DNM3: variants seen among roughly 807,000 people sequenced by gnomAD.
DNM3 encodes the protein dynamin 3, also known as dynamin-3.
A neutral mutation model predicts 101.6 loss-of-function variants in DNM3; 47 were observed. That is an observed-to-expected ratio of 0.46 (90% CI 0.37 to 0.59). The LOEUF (loss-of-function observed/expected upper bound fraction) is 0.59. DNM3 is among the 20% of genes least tolerant of loss of function. The pLI, the probability that DNM3 is intolerant of heterozygous loss-of-function variation, is 0.00. For synonymous variants in DNM3, 385 were observed against 387.9 expected, an observed-to-expected ratio of 0.99 and a Z score of 0.09; for missense variants, 849 against 1,085.7, an observed-to-expected ratio of 0.78 and a Z score of 3.06.
intron 2 of DNM3, among the ~76,000 whole-genome samples, chr1:171,924,435 GT>G (rs1202204326): frequency 6.6e-6 from 1 of 152,168 alleles, no homozygotes; most frequent in Admixed American, 6.5e-5. Context: ...AAAGAAAGAG[GT>G]TTCATTGACT....
intron 16 of DNM3, among the ~76,000 whole-genome samples, chr1:172,316,041 C>T (rs1413581826): frequency 7.9e-5 from 12 of 152,102 alleles, no homozygotes; most frequent in African/African-American, 2.4e-5. Context: ...GCGGATCTCT[C>T]GGCAGAAACT....
intron 1 of DNM3, among the ~76,000 whole-genome samples, chr1:171,875,093 A>C (rs2125100993): frequency 6.6e-6 from 1 of 152,092 alleles, no homozygotes; most frequent in East Asian, 1.9e-4. Context: ...GGTTGATTCC[A>C]TGTCTTTGTT....
chr1:172,004,957 A>T (rs1255489457), intron 4 of DNM3, among the ~76,000 whole-genome samples: 3 of 152,116 alleles, frequency 2.0e-5, no homozygotes, highest in African/African-American at 7.2e-5. Context: ...GTTCTGCTAA[A>T]GTAACAGAGA....
chr1:172,082,325 GTT>G (rs57661109), intron 12 of DNM3, among the ~76,000 whole-genome samples: 13 of 136,866 alleles, frequency 9.5e-5, no homozygotes, highest in Admixed American at 2.2e-4. Context: ...CTAGAGGCCT[GTT>G]TTTTTTTTTT....
At position 172,351,018 on chromosome 1, in the gene DNM3, A is replaced by G. The variant is rs79517397; in HGVS notation, c.1893+27678A>G. ...CTTTAAATTATTACCCTCCTGGGAA[A>G]GTCTGCAACCCTTGTAGAACACTTA... On this transcript the variant is annotated intron_variant, in intron 17 of 20. Transcript: ENST00000627582. Among the ~76,000 whole-genome samples the G allele has an allele frequency of 8.1e-3, 1,233 of 152,296 alleles. 12 individuals carry two copies. Among genetic ancestry groups the G allele is most frequent in the Non-Finnish European group, 0.013 (885 of 68,020 alleles).
chr1:172,186,281 C>G (rs1401650311), intron 14 of DNM3, among the ~76,000 whole-genome samples: 3 of 151,844 alleles, frequency 2.0e-5, no homozygotes, highest in African/African-American at 7.3e-5. Context: ...GTTACAAATT[C>G]CAAGAAATGT....
At chr1:172,355,043 C>T (rs1006394601) in intron 17 of DNM3, among the ~76,000 whole-genome samples, 11 of 152,268 alleles carry the variant, frequency 7.2e-5, no homozygotes, top group African/African-American at 2.6e-4. Flanking sequence ...ATAGGTTCCT[C>T]ATTCTGTAAT....
intron 17 of DNM3, chr1:172,366,415 G>A (rs57229699): frequency 1.3e-5 from 2 of 151,924 alleles, no homozygotes; most frequent in East Asian, 3.9e-4. Context: ...AAATTTATCT[G>A]ATTTCAGGAA....
chr1:172,131,469 G>T (rs116361562), intron 14 of DNM3, among the ~76,000 whole-genome samples, 181 bp downstream of exon 14: 1 of 152,002 alleles, frequency 6.6e-6, no homozygotes, highest in African/African-American at 2.4e-5. Context: ...TACAATATTC[G>T]CCCAAATTTC....
At chr1:171,875,289 G>A (rs534463007) in intron 1 of DNM3, among the ~76,000 whole-genome samples, 6 of 152,314 alleles carry the variant, frequency 3.9e-5, no homozygotes, top group Admixed American at 3.3e-4. Flanking sequence ...CCCACCAACA[G>A]TGTATAAGCC....
intron 2 of DNM3, among the ~76,000 whole-genome samples, chr1:171,959,932 G>A (rs1404350639): frequency 6.6e-6 from 1 of 152,050 alleles, no homozygotes; most frequent in Non-Finnish European, 1.5e-5. Flanking sequence ...CTGTGGAGGG[G>A]GTAGAGGAAT....
intron 15 of DNM3, among the ~76,000 whole-genome samples, chr1:172,287,435 C>T (rs1175114962): frequency 6.6e-6 from 1 of 152,202 alleles, no homozygotes; most frequent in African/African-American, 2.4e-5. Flanking sequence ...TGGCCATTGG[C>T]AGCCAGAGAA....
chr1:172,133,349 G>T, intron 14 of DNM3: 1 of 997,600 alleles, frequency 1.0e-6, no homozygotes, highest in Non-Finnish European at 1.2e-6. Context: ...ATGAGTACTT[G>T]ATTACAACAA....
At chr1:172,247,894 A>G (rs894775708) in intron 14 of DNM3, among the ~76,000 whole-genome samples, 4 of 152,048 alleles carry the variant, frequency 2.6e-5, no homozygotes, top group Non-Finnish European at 4.4e-5. Context: ...CATGTTGGCC[A>G]GGTGGTCTCA....
At chr1:172,345,149 G>A (rs554462308) in intron 17 of DNM3, among the ~76,000 whole-genome samples, 2 of 152,300 alleles carry the variant, frequency 1.3e-5, no homozygotes, top group African/African-American at 4.8e-5. Flanking sequence ...GAGGGAATAA[G>A]AATTGTCTTT....
At chr1:172,042,379 G>A (rs2049449725) in intron 8 of DNM3, among the ~76,000 whole-genome samples, 1 of 152,120 alleles carries the variant, frequency 6.6e-6, no homozygotes, top group South Asian at 2.1e-4. Context: ...TTCCTAGTTT[G>A]TTGTCTAATT....
intron 15 of DNM3, among the ~76,000 whole-genome samples, chr1:172,261,339 GACT>G (rs1334793480): frequency 6.6e-6 from 1 of 152,208 alleles, no homozygotes; most frequent in Non-Finnish European, 1.5e-5. Context: ...TTTTGAATCT[GACT>G]ATGCGTAGTG....
chr1:172,292,250 A>G (rs2063951000), intron 15 of DNM3, among the ~76,000 whole-genome samples: 1 of 152,164 alleles, frequency 6.6e-6, no homozygotes, highest in Non-Finnish European at 1.5e-5. Flanking sequence ...TCCCCATTTT[A>G]TAGGTAGGTT....
At chr1:171,869,762 C>T (rs1042755220) in intron 1 of DNM3, among the ~76,000 whole-genome samples, 19 of 152,202 alleles carry the variant, frequency 1.2e-4, no homozygotes, top group African/African-American at 4.6e-4. Flanking sequence ...TGCTTATAGG[C>T]AATCAATATC....
Sources: allele counts gnomAD v4.1 joint callset (sites outside exome capture counted in the v4.1 genomes callset), GRCh38; gene constraint gnomAD v4.1.1; transcripts MANE v1.5; gene names NCBI Gene and HGNC (gene_info 2026-07-23, HGNC 2026-07-21).